Variants in BMPER observed in about 807,000 individuals in gnomAD.
The protein encoded by BMPER is BMP-binding endothelial regulator protein.
BMPER carries 45 observed loss-of-function variants against 87.3 expected under a neutral mutation model. The observed-to-expected ratio is 0.52, with a 90% CI of 0.41 to 0.66. The LOEUF (loss-of-function observed/expected upper bound fraction) is 0.66, where lower values mean the gene tolerates loss of function less well. Among genes scored for constraint, BMPER ranks in the 30% least tolerant of loss-of-function variants. The pLI is 0.00. For missense variants in BMPER, 784 were observed against 867.5 expected, an observed-to-expected ratio of 0.90 and a Z score of 1.21; for synonymous variants, 326 against 316.2, an observed-to-expected ratio of 1.03 and a Z score of -0.33.
rs569897709 is a variant in BMPER, at chr7:34,061,971, G to A, written c.1033-31G>A. 10 of 1,369,374 alleles carry A rather than the reference G, an allele frequency of 7.3e-6. No homozygotes were observed. The African/African-American group carries it at 1.2e-4, about 17-fold the overall frequency. 84.8% of individuals were successfully genotyped at this position (1,369,374 alleles called of 1,614,324 possible). On this transcript the variant is annotated intron_variant, in intron 10 of 14. Transcript: ENST00000649409. ...CCCTGTTTTTTTTTTTTTTTAAACA[G>A]TAACTTTGTATTTGTTTTTCTTCTG... is the stretch of plus-strand genomic sequence containing the variant.
At chr7:34,001,397 C>G (rs943457997) in intron 6 of BMPER, among the ~76,000 whole-genome samples, 2 of 151,726 alleles carry the variant, frequency 1.3e-5, no homozygotes, top group African/African-American at 4.8e-5. Context: ...CTTCTTGAGT[C>G]AGATTCAGTA....
At chr7:34,107,539 T>G (rs960986502) in intron 13 of BMPER, among the ~76,000 whole-genome samples, 1 of 152,224 alleles carries the variant, frequency 6.6e-6, no homozygotes, top group Non-Finnish European at 1.5e-5. Flanking sequence ...TGGAGCGTTA[T>G]GTAATTTGGA....
chr7:33,975,630 G>T (rs1351503134), intron 6 of BMPER, among the ~76,000 whole-genome samples: 1 of 152,154 alleles, frequency 6.6e-6, no homozygotes, highest in Non-Finnish European at 1.5e-5. Flanking sequence ...ACAGTAGGGA[G>T]TTAGTACAAC....
chr7:34,017,931 G>A lies in BMPER; in HGVS notation c.577-28375G>A, dbSNP rs1020100648. 3.3e-5 allele frequency among the ~76,000 whole-genome samples: 5 copies of A among 149,440 alleles called. No individual in the cohort carries two copies. The East Asian group carries it at 1.0e-3, about 30-fold the overall frequency. On this transcript the variant is annotated intron_variant, in intron 6 of 14. Coordinates refer to ENST00000649409, the MANE Select transcript of BMPER (RefSeq NM_001365308.1). ...TTCTTGGGAGATCCCAGGCTCCTCT[G>A]TGTGGTGCCTCCACCAAAAATACTT... is the stretch of plus-strand genomic sequence containing the variant.
chr7:34,089,274 A>G (rs1351185945), intron 13 of BMPER, among the ~76,000 whole-genome samples: 2 of 152,160 alleles, frequency 1.3e-5, no homozygotes, highest in African/African-American at 2.4e-5. Flanking sequence ...TCTGAGCACC[A>G]CTGTCTTGTA....
At chr7:34,079,339 C>T (rs1470441472) in intron 12 of BMPER, among the ~76,000 whole-genome samples, 153 bp downstream of exon 12, 1 of 152,184 alleles carries the variant, frequency 6.6e-6, no homozygotes, top group Non-Finnish European at 1.5e-5. Context: ...TTGCCTCATC[C>T]CCACTCACAG....
intron 13 of BMPER, among the ~76,000 whole-genome samples, chr7:34,105,936 C>T (rs1262537521): frequency 6.6e-6 from 1 of 152,130 alleles, no homozygotes; most frequent in African/African-American, 2.4e-5. Flanking sequence ...ATATTTAGGC[C>T]TTAAGTGTCC....
intron 6 of BMPER, among the ~76,000 whole-genome samples, chr7:34,006,499 A>C (rs1464599255): frequency 6.6e-6 from 1 of 152,092 alleles, no homozygotes; most frequent in African/African-American, 2.4e-5. Context: ...AGCCTATGCA[A>C]GCAATCAGAG....
chr7:33,925,751 A>G (rs2128605837), intron 2 of BMPER, among the ~76,000 whole-genome samples: 1 of 152,308 alleles, frequency 6.6e-6, no homozygotes, highest in South Asian at 2.1e-4. Context: ...TGAGGTTGCT[A>G]CACTTCACTT....
intron 11 of BMPER, among the ~76,000 whole-genome samples, chr7:34,065,718 T>G (rs185265248): frequency 1.3e-5 from 2 of 152,354 alleles, no homozygotes; most frequent in Admixed American, 1.3e-4. Flanking sequence ...AGTTGCTATC[T>G]TTGCTTTTGT....
At chr7:34,120,476 G>A (rs980765371) in intron 13 of BMPER, among the ~76,000 whole-genome samples, 2 of 151,092 alleles carry the variant, frequency 1.3e-5, no homozygotes, top group African/African-American at 4.9e-5. Flanking sequence ...TTGGCTCACC[G>A]CAAGCTCCTC....
intron 6 of BMPER, among the ~76,000 whole-genome samples, chr7:34,029,466 CCAG>C (rs1787468355): frequency 6.6e-6 from 1 of 152,002 alleles, no homozygotes; most frequent in Non-Finnish European, 1.5e-5. Flanking sequence ...CTTGCTGCTC[CCAG>C]CTTGTTGTCC....
In BMPER at chr7:33,993,410, T is replaced by C. The variant is rs879975411; in HGVS notation, c.576+18626T>C. On this transcript the variant is annotated intron_variant, in intron 6 of 14. Coordinates refer to ENST00000649409, the MANE Select transcript of BMPER (RefSeq NM_001365308.1). ...TACCCTTTCTTCCAGTTGATCACAT[T>C]GGCTCCTGAGGCTTCTGCATTCTTC... Among the ~76,000 whole-genome samples, 1,269 of 151,626 alleles carry C rather than the reference T, an allele frequency of 8.4e-3. 10 individuals are homozygous for C. Among genetic ancestry groups the C allele is most frequent in the African/African-American group, 0.029 (1,176 of 41,050 alleles).
intron 2 of BMPER, among the ~76,000 whole-genome samples, chr7:33,928,520 T>C (rs1306235391): frequency 2.0e-5 from 3 of 151,674 alleles, no homozygotes; most frequent in Non-Finnish European, 4.4e-5. Context: ...TTTCAAAATA[T>C]GATTAAACAG....
In BMPER at chr7:33,922,772, C is replaced by T. The variant is rs571322604; in HGVS notation, c.220-14517C>T. On this transcript the variant is annotated intron_variant, in intron 2 of 14. Coordinates refer to ENST00000649409, the MANE Select transcript of BMPER (RefSeq NM_001365308.1). ...GAGAGGGATTGCTGGGGTTAGCTAACGGGCTAGCTTGGAGCAGTGTCAAGT... is the reference window on the plus strand; with the variant it reads ...GAGAGGGATTGCTGGGGTTAGCTAATGGGCTAGCTTGGAGCAGTGTCAAGT... Among the ~76,000 whole-genome samples the T allele has an allele frequency of 1.8e-3, 275 of 152,202 alleles. 1 individual carries two copies. The highest frequency in any genetic ancestry group is 5.4e-3 in the African/African-American group (225 of 41,542).
rs758974657 is a variant in BMPER at position 34,118,409 on chromosome 7, C to T, written c.1746-24821C>T. On this transcript the variant is annotated intron_variant, in intron 13 of 14. Transcript: ENST00000649409. ...GATACTGTTCATTTTTGCATCTTCT[C>T]GTTTTTAATGCAAGGCGTTCCATGC... Among the ~76,000 whole-genome samples the T allele has an allele frequency of 2.6e-5, 4 of 152,270 alleles. No individual in the cohort carries two copies. In the East Asian group the frequency reaches 5.8e-4, roughly 22 times the overall value.
chr7:34,047,939 AAG>A (rs1562709625), intron 7 of BMPER, among the ~76,000 whole-genome samples: 1 of 151,464 alleles, frequency 6.6e-6, no homozygotes, highest in Non-Finnish European at 1.5e-5. Context: ...TGCAGTCAAT[AAG>A]AGTGATTATT....
chr7:33,979,357 C>G (rs961019683), intron 6 of BMPER, among the ~76,000 whole-genome samples: 9 of 151,364 alleles, frequency 5.9e-5, no homozygotes, highest in Non-Finnish European at 1.2e-4. Context: ...CCCTGCAACT[C>G]CCTGAGAACC....
chr7:34,079,284 C>T, intron 12 of BMPER, 98 bp downstream of exon 12: 1 of 1,514,902 alleles, frequency 6.6e-7, no homozygotes. Flanking sequence ...GTGGTTCCTC[C>T]TCCGAGCAAA....
Sources: allele counts gnomAD v4.1 joint callset (sites outside exome capture counted in the v4.1 genomes callset), GRCh38; gene constraint gnomAD v4.1.1; transcripts MANE v1.5; gene names NCBI Gene and HGNC (gene_info 2026-07-23, HGNC 2026-07-21).